XRCC6: variants seen among roughly 807,000 people sequenced by gnomAD.
XRCC6 encodes the protein DNA repair protein Ku70.
Under a neutral mutation model 65.7 loss-of-function variants are expected in XRCC6, and 5 were observed. The observed-to-expected ratio is 0.08, with a 90% confidence interval of 0.04 to 0.16. The LOEUF is 0.16. Ranked by LOEUF, XRCC6 falls within the 10% of genes least tolerant of loss-of-function variation. The pLI is 1.00. For missense variants in XRCC6, 447 were observed against 738.1 expected (o/e 0.61, Z 4.57); for synonymous variants, 270 against 270.6 (o/e 1.00, Z 0.02).
chr22:41,652,014 C>T (rs1328434547), intron 8 of XRCC6, among the ~76,000 whole-genome samples: 2 of 152,062 alleles, frequency 1.3e-5, no homozygotes, highest in Non-Finnish European at 2.9e-5. Context: ...GAACTCCTGA[C>T]CTTAGGTGAT....
At chr22:41,649,139 A>ATATATATATAT (rs1555906701) in intron 7 of XRCC6, among the ~76,000 whole-genome samples, 4 of 88,726 alleles carry the variant, frequency 4.5e-5, no homozygotes, top group Admixed American at 1.7e-4. Context: ...AAAAAAAAAA[A>ATATATATATAT]ATATATATAT....
chr22:41,638,223 A>T (rs1474796678), intron 6 of XRCC6, among the ~76,000 whole-genome samples: 2 of 151,864 alleles, frequency 1.3e-5, no homozygotes, highest in African/African-American at 4.9e-5. Flanking sequence ...GAGTATCCTT[A>T]GCTGTACTCA....
chr22:41,655,330 T>G (rs549012329), intron 9 of XRCC6, among the ~76,000 whole-genome samples: 5 of 151,534 alleles, frequency 3.3e-5, no homozygotes, highest in Non-Finnish European at 7.4e-5. Flanking sequence ...CATTTTAGTT[T>G]TTTTTTTTTT....
At chr22:41,624,719 C>T (rs113016520) in intron 2 of XRCC6, among the ~76,000 whole-genome samples, 10,793 of 147,668 alleles carry the variant, frequency 0.073, 922 homozygotes, top group African/African-American at 0.21. Context: ...AAAATAAGGC[C>T]GGGCGCGGTG....
intron 2 of XRCC6, among the ~76,000 whole-genome samples, chr22:41,626,584 A>G (rs983308888): frequency 4.0e-5 from 6 of 150,454 alleles, no homozygotes; most frequent in Non-Finnish European, 7.4e-5. Context: ...CCTCCTGATT[A>G]GCTGGGATTA....
chr22:41,627,609 C>CAAA (rs71184821), intron 2 of XRCC6, among the ~76,000 whole-genome samples: 1,319 of 96,512 alleles, frequency 0.014, 38 homozygotes, highest in African/African-American at 0.05. Flanking sequence ...GACTCCGTCT[C>CAAA]AAAAAAAAAA....
chr22:41,624,723 C>A (rs192086585), intron 2 of XRCC6, among the ~76,000 whole-genome samples: 5 of 149,366 alleles, frequency 3.3e-5, no homozygotes, highest in African/African-American at 1.2e-4. Context: ...TAAGGCCGGG[C>A]GCGGTGGCTC....
intron 3 of XRCC6, among the ~76,000 whole-genome samples, chr22:41,634,575 C>T (rs113297617): frequency 8.1e-5 from 12 of 147,268 alleles, no homozygotes; most frequent in Admixed American, 2.7e-4. Flanking sequence ...GATGGAGTCT[C>T]GCTCTGTTGC....
In XRCC6 at chr22:41,656,890, C is replaced by T. The variant is rs1295674247; in HGVS notation, c.1292-13C>T. The T allele has an allele frequency of 6.2e-7, 1 of 1,612,274 alleles. No individual in the cohort carries two copies. Among genetic ancestry groups the T allele is most frequent in the Admixed American group, 1.7e-5 (1 of 59,872 alleles). On this transcript the variant is annotated splice_polypyrimidine_tract_variant and intron_variant, in intron 9 of 12. Transcript: ENST00000360079. ...TGAAGTCAAATCAAAGAAAATTTAT[C>T]TCCTTTCTTCAGGCTTCCAGCTGGT...
chr22:41,631,721 G>A lies in XRCC6; in HGVS notation c.195+3491G>A, dbSNP rs1273535814. ...CAGAGACACTCCTCACTTCCCAGAC[G>A]GGGTGGCGGCCGGGCAGAGGCTGCA... On this transcript the variant is annotated intron_variant, in intron 3 of 12. Coordinates refer to ENST00000360079, the MANE Select transcript of XRCC6 (RefSeq NM_001469.5). Among the ~76,000 whole-genome samples, 11 of 151,878 alleles carry A rather than the reference G, an allele frequency of 7.2e-5. No homozygotes were observed. In the East Asian group the frequency reaches 2.1e-3, roughly 29 times the overall value.
At position 41,664,030 on chromosome 22, in the gene XRCC6, G is replaced by A. The variant is rs934965157; in HGVS notation, c.*215G>A. On this transcript the variant is annotated 3_prime_UTR_variant, in exon 13 of 13. Coordinates refer to ENST00000360079, the MANE Select transcript of XRCC6 (RefSeq NM_001469.5). ...TTACTGCCTGAATAAAGAGCCCTAAGTTTGTACTATATACTGTTCTTTTGT... is the reference window on the plus strand; with the variant it reads ...TTACTGCCTGAATAAAGAGCCCTAAATTTGTACTATATACTGTTCTTTTGT... The A allele has an allele frequency of 5.3e-6, 3 of 569,506 alleles. No homozygotes were observed. Among genetic ancestry groups the A allele is most frequent in the African/African-American group, 3.7e-5 (2 of 53,534 alleles). 35.3% of individuals were successfully genotyped at this position (569,506 alleles called of 1,614,324 possible).
At chr22:41,634,789 C>T (rs970334733) in intron 3 of XRCC6, among the ~76,000 whole-genome samples, 7 of 147,360 alleles carry the variant, frequency 4.8e-5, no homozygotes, top group East Asian at 2.1e-4. Flanking sequence ...GTCATCTGCT[C>T]GCCTTGGCCT....
Position 41,663,799 on chromosome 22 carries a change from A to G in XRCC6, c.1814A>G (p.Lys605Arg), listed in dbSNP as rs576808369. 3.1e-5 allele frequency: 50 copies of G among 1,613,400 alleles called. No individual in the cohort carries two copies. Among genetic ancestry groups the G allele is most frequent in the South Asian group, 9.9e-5 (9 of 91,058 alleles). Residue 605 changes from lysine to arginine, a missense_variant, in exon 13 of 13, where the codon AAG becomes AGG. Coordinates refer to ENST00000360079, the MANE Select transcript of XRCC6 (RefSeq NM_001469.5). ...KKQELLEALT[K>R]HFQD is the part of the protein sequence containing the mutation. ...CAGGAGCTGCTGGAAGCCCTCACCA[A>G]GCACTTCCAGGACTGACCAGAGGCC... is the stretch of plus-strand genomic sequence containing the variant.
intron 2 of XRCC6, among the ~76,000 whole-genome samples, chr22:41,624,980 G>C (rs1345644884): frequency 1.1e-4 from 17 of 152,118 alleles, no homozygotes; most frequent in Admixed American, 6.6e-5. Context: ...CTGGGCGACA[G>C]AGCGAGACTC....
At chr22:41,631,133 G>T (rs948024949) in intron 3 of XRCC6, among the ~76,000 whole-genome samples, 4 of 149,888 alleles carry the variant, frequency 2.7e-5, no homozygotes, top group Admixed American at 2.6e-4. Context: ...GGCTGGCAGG[G>T]CGGGGGGCTG....
At chr22:41,632,282 A>G (rs2067763858) in intron 3 of XRCC6, among the ~76,000 whole-genome samples, 1 of 152,206 alleles carries the variant, frequency 6.6e-6, no homozygotes, top group South Asian at 2.1e-4. Flanking sequence ...TTTGGAACTG[A>G]ACAGAAACTT....
chr22:41,656,946 G>A lies in XRCC6; in HGVS notation c.1335G>A (p.Lys445=), dbSNP rs1460252877. 6.2e-7 allele frequency: 1 copy of A among 1,613,416 alleles called. No individual in the cohort carries two copies. The highest frequency in any genetic ancestry group is 8.5e-7 in the Non-Finnish European group (1 of 1,179,862). ...VFLPFADDKR[K]MPFTEKIMAT... The stretch of plus-strand genomic sequence containing the variant: ...TACCCTTTGCTGATGATAAAAGGAA[G>A]ATGCCCTTTACTGAAAAAATCATGG... The change falls in exon 10 of 13, where the codon AAG becomes AAA. Residue 445 remains lysine (K), a synonymous_variant. Coordinates refer to ENST00000360079, the MANE Select transcript of XRCC6 (RefSeq NM_001469.5).
chr22:41,631,102 C>A (rs1339340760), intron 3 of XRCC6, among the ~76,000 whole-genome samples: 2 of 150,922 alleles, frequency 1.3e-5, no homozygotes, highest in Non-Finnish European at 3.0e-5. Flanking sequence ...ATGACCCCCC[C>A]ACCTCCCTCC....
At chr22:41,657,386 T>G (rs185003120) in intron 10 of XRCC6, among the ~76,000 whole-genome samples, 1 of 152,102 alleles carries the variant, frequency 6.6e-6, no homozygotes. Flanking sequence ...AAAGAATGAT[T>G]AAGTAATTCA....
Sources: allele counts gnomAD v4.1 joint callset (sites outside exome capture counted in the v4.1 genomes callset), GRCh38; gene constraint gnomAD v4.1.1; transcripts MANE v1.5; gene names NCBI Gene and HGNC (gene_info 2026-07-23, HGNC 2026-07-21).